MLYCD: variants seen among roughly 807,000 people sequenced by gnomAD.
The protein encoded by MLYCD is malonyl-CoA decarboxylase.
Under a neutral mutation model 35.8 loss-of-function variants are expected in MLYCD, and 27 were observed. The observed-to-expected ratio is 0.75, with a 90% CI of 0.56 to 1.04. The LOEUF (loss-of-function observed/expected upper bound fraction) is 1.04. Among genes scored for constraint, MLYCD ranks in the 50% least tolerant of loss-of-function variants. The pLI, the probability that MLYCD is intolerant of heterozygous loss-of-function variation, is 0.00. For synonymous variants in MLYCD, 403 were observed against 302.4 expected (o/e 1.33, Z -3.45); for missense variants, 917 against 665.1 (o/e 1.38, Z -4.17).
rs534037213 is a variant in MLYCD, at chr16:83,915,993, C to A, written c.*504C>A. 7.8e-5 allele frequency: 79 copies of A among 1,010,694 alleles called. No homozygotes were observed. In the African/African-American group the frequency reaches 1.3e-3, roughly 16 times the overall value. The allele number at this position is 1,010,694 out of a possible 1,614,324, so 62.6% of individuals were successfully genotyped here. A position where few individuals can be genotyped will look rare whatever the true frequency, so the allele number is the denominator to read the frequency against. On this transcript the variant is annotated 3_prime_UTR_variant, in exon 5 of 5. Coordinates refer to ENST00000262430, the MANE Select transcript of MLYCD (RefSeq NM_012213.3). Reference sequence around the variant, plus strand: ...AGGGCTGTGCTACACTTCCCAGTTACATTCTGAAGCTCATAAATGTATGAG... The same window carrying A: ...AGGGCTGTGCTACACTTCCCAGTTAAATTCTGAAGCTCATAAATGTATGAG...
chr16:83,914,057 A>T (rs1907282736), intron 4 of MLYCD: 1 of 152,254 alleles, frequency 6.6e-6, no homozygotes, highest in Admixed American at 6.5e-5. Context: ...CCAGGAGTTT[A>T]TCTGAGCAGA....
In MLYCD at chr16:83,917,100, A is replaced by G. The variant is rs1225583109; in HGVS notation, c.*1611A>G. On this transcript the variant is annotated 3_prime_UTR_variant, in exon 5 of 5. Transcript: ENST00000262430. ...TGCGTGTGCACGAGCGTCTCTGTGG[A>G]TCAGTGCACGTCTGTGTGCGTGTGC... 2.0e-3 allele frequency: 18 copies of G among 9,056 alleles called. 1 individual carries two copies. Among genetic ancestry groups the G allele is most frequent in the East Asian group, 9.8e-3 (2 of 204 alleles). 0.6% of individuals were successfully genotyped at this position (9,056 alleles called of 1,614,324 possible).
chr16:83,900,582 AT>A (rs1156957811), intron 1 of MLYCD, among the ~76,000 whole-genome samples: 1,942 of 121,076 alleles, frequency 0.016, 15 homozygotes, highest in African/African-American at 0.039. Flanking sequence ...TGCCCGGCTA[AT>A]TTTTTTTTTT....
Position 83,899,571 on chromosome 16 carries a change from C to T in MLYCD, c.427C>T (p.His143Tyr). The T allele has an allele frequency of 1.3e-6, 2 of 1,593,458 alleles. No individual in the cohort carries two copies. The highest frequency in any genetic ancestry group is 1.7e-6 in the Non-Finnish European group (2 of 1,177,836). The change falls in exon 1 of 5, where the codon CAC becomes TAC. Residue 143 changes from histidine (H) to tyrosine (Y), a missense_variant. Physicochemically the swap from His to Tyr is moderately conservative, Grantham distance 83. Transcript: ENST00000262430. ...LVPRYRGLFH[H>Y]ISKLDGGVRF... ...GCCGCGCTATCGCGGCCTCTTCCAC[C>T]ACATCAGCAAGCTGGACGGCGGCGT...
rs569160913 is a variant in MLYCD, at chr16:83,925,785, A to G, written c.*10296A>G. The stretch of plus-strand genomic sequence containing the variant: ...CTCTCCCCTCCCTGCCTCCCAGGCA[A>G]TGCCCACTCTGCCTCCAAAGTTCAT... On this transcript the variant is annotated 3_prime_UTR_variant, in exon 5 of 5. Coordinates refer to ENST00000262430, the MANE Select transcript of MLYCD (RefSeq NM_012213.3). 1.3e-5 allele frequency: 2 copies of G among 152,714 alleles called. No homozygotes were observed. The highest frequency in any genetic ancestry group is 2.4e-5 in the African/African-American group (1 of 41,532). 9.5% of individuals were successfully genotyped at this position (152,714 alleles called of 1,614,324 possible). A position where few individuals can be genotyped will look rare whatever the true frequency, so the allele number is the denominator to read the frequency against.
chr16:83,914,953 CAGAG>C lies in MLYCD; in HGVS notation c.951_954del (p.Arg317SerfsTer25), dbSNP rs777414552. 6.2e-7 allele frequency: 1 copy of C among 1,614,132 alleles called. No individual in the cohort carries two copies. The highest frequency in any genetic ancestry group is 8.5e-7 in the Non-Finnish European group (1 of 1,180,056). On this transcript the variant is annotated splice_acceptor_variant and coding_sequence_variant, in exon 5 of 5. Coordinates refer to ENST00000262430, the MANE Select transcript of MLYCD (RefSeq NM_012213.3). LOFTEE classifies it high-confidence loss of function. Reference sequence around the variant, plus strand: ...TCCTTTCCACCCCAACCATGCTTTACAGAGAGAGTTTCCTCACCTTGGGGTGTTT... The same window carrying C: ...TCCTTTCCACCCCAACCATGCTTTACAGAGTTTCCTCACCTTGGGGTGTTT...
Position 83,916,266 on chromosome 16 carries a change from G to C in MLYCD, c.*777G>C. The C allele has an allele frequency of 1.1e-6, 1 of 917,406 alleles. No homozygotes were observed. Among genetic ancestry groups the C allele is most frequent in the Non-Finnish European group, 1.3e-6 (1 of 766,260 alleles). 56.8% of individuals were successfully genotyped at this position (917,406 alleles called of 1,614,324 possible). A position where few individuals can be genotyped will look rare whatever the true frequency, so the allele number is the denominator to read the frequency against. ...AGCCAGCCAGCCTACGGGGAGTTTG[G>C]GATGAAGGAGCCTGGGGTGTGTTGG... On this transcript the variant is annotated 3_prime_UTR_variant, in exon 5 of 5. Coordinates refer to ENST00000262430, the MANE Select transcript of MLYCD (RefSeq NM_012213.3).
chr16:83,914,052 A>G (rs539624051), intron 4 of MLYCD: 47 of 152,308 alleles, frequency 3.1e-4, no homozygotes, highest in African/African-American at 1.1e-3. Flanking sequence ...AAACACCAGG[A>G]GTTTATCTGA....
chr16:83,922,764 G>C lies in MLYCD; in HGVS notation c.*7275G>C, dbSNP rs534094095. On this transcript the variant is annotated 3_prime_UTR_variant, in exon 5 of 5. Transcript: ENST00000262430. ...ATCTGGACCTGGGCGCCACCATCCT[G>C]CTCACCTGAATGCGGGTTCTGGGAT... 6.6e-6 allele frequency: 1 copy of C among 152,308 alleles called. No homozygotes were observed. Among genetic ancestry groups the C allele is most frequent in the African/African-American group, 2.4e-5 (1 of 41,470 alleles). The allele number at this position is 152,308 out of a possible 1,614,324, so 9.4% of individuals were successfully genotyped here.
rs987025331 is a variant in MLYCD, at chr16:83,922,943, C to A, written c.*7454C>A. The A allele has an allele frequency of 1.3e-5, 2 of 152,398 alleles. No homozygotes were observed. Among genetic ancestry groups the A allele is most frequent in the East Asian group, 3.9e-4 (2 of 5,184 alleles). 9.4% of individuals were successfully genotyped at this position (152,398 alleles called of 1,614,324 possible). On this transcript the variant is annotated 3_prime_UTR_variant, in exon 5 of 5. Transcript: ENST00000262430. ...ACAGGGGCTTGAGGGGACCTCCTGA[C>A]CCCTGATGGCTGAGCACCCTTGTCA... is the stretch of plus-strand genomic sequence containing the variant.
At position 83,907,112 on chromosome 16, in the gene MLYCD, GT is replaced by G; in HGVS notation, c.641+17del. The stretch of plus-strand genomic sequence containing the variant: ...AGAAAATCAGTGAGTAAGTATTACG[GT>G]TTTCATTTTCTTTGTACATACATTT... On this transcript the variant is annotated intron_variant, in intron 2 of 4. Transcript: ENST00000262430. The G allele has an allele frequency of 6.3e-7, 1 of 1,593,358 alleles. No individual in the cohort carries two copies. Among genetic ancestry groups the G allele is most frequent in the Non-Finnish European group, 8.6e-7 (1 of 1,161,084 alleles).
chr16:83,906,794 AAAG>A (rs1175470450), intron 1 of MLYCD, among the ~76,000 whole-genome samples, 190 bp from the exon 2 acceptor site: 1 of 134,084 alleles, frequency 7.5e-6, no homozygotes, highest in African/African-American at 3.6e-5. Context: ...GCGTTGAACG[AAAG>A]AAAGCCTGAC....
In MLYCD at chr16:83,916,308, A is replaced by AG. The variant is rs1907384907; in HGVS notation, c.*821dup. On this transcript the variant is annotated 3_prime_UTR_variant, in exon 5 of 5. Coordinates refer to ENST00000262430, the MANE Select transcript of MLYCD (RefSeq NM_012213.3). ...GTGTGTTGGATGAGAACAAAGGTGA[A>AG]GGAAGGGGCAGTCATTGTGCTTGTG... 1 of 505,366 alleles carries AG rather than the reference A, an allele frequency of 2.0e-6. No individual in the cohort carries two copies. Among genetic ancestry groups the AG allele is most frequent in the South Asian group, 8.6e-5 (1 of 11,638 alleles). The allele number at this position is 505,366 out of a possible 1,614,324, so 31.3% of individuals were successfully genotyped here. A position where few individuals can be genotyped will look rare whatever the true frequency, so the allele number is the denominator to read the frequency against.
intron 1 of MLYCD, among the ~76,000 whole-genome samples, chr16:83,900,751 A>G (rs1906757263): frequency 6.6e-6 from 1 of 152,278 alleles, no homozygotes; most frequent in East Asian, 1.9e-4. Flanking sequence ...CACTTGAATG[A>G]TTATGACTTG....
rs538679815 is a variant in MLYCD at position 83,919,252 on chromosome 16, C to T, written c.*3763C>T. 7.0e-5 allele frequency: 10 copies of T among 142,542 alleles called. No individual in the cohort carries two copies. Among genetic ancestry groups the T allele is most frequent in the African/African-American group, 2.7e-4 (10 of 36,532 alleles). The allele number at this position is 142,542 out of a possible 1,614,324, so 8.8% of individuals were successfully genotyped here. A position where few individuals can be genotyped will look rare whatever the true frequency, so the allele number is the denominator to read the frequency against. On this transcript the variant is annotated 3_prime_UTR_variant, in exon 5 of 5. Coordinates refer to ENST00000262430, the MANE Select transcript of MLYCD (RefSeq NM_012213.3). ...CACACACACACACTGCACAGGAGAC[C>T]ATGCACAGTGCACAGGAGAATACAC...
rs567089997 is a variant in MLYCD, at chr16:83,899,640, G to A, written c.496G>A (p.Ala166Thr). ...QLRADLLEAQ[A>T]LKLVEGPDVR... ...GCGGGCCGACCTGCTGGAGGCGCAGGCCCTCAAGCTGGTGGAGGGGCCGGA... is the reference window on the plus strand; with the variant it reads ...GCGGGCCGACCTGCTGGAGGCGCAGACCCTCAAGCTGGTGGAGGGGCCGGA... The change falls in exon 1 of 5, where the codon GCC (alanine) becomes ACC (threonine). Residue 166 changes from alanine (A) to threonine (T), a missense_variant. Coordinates refer to ENST00000262430, the MANE Select transcript of MLYCD (RefSeq NM_012213.3). The A allele has an allele frequency of 5.2e-6, 8 of 1,552,612 alleles. No homozygotes were observed. Among genetic ancestry groups the A allele is most frequent in the South Asian group, 1.2e-5 (1 of 85,906 alleles).
chr16:83,922,719 G>C lies in MLYCD; in HGVS notation c.*7230G>C, dbSNP rs1907693576. On this transcript the variant is annotated 3_prime_UTR_variant, in exon 5 of 5. Coordinates refer to ENST00000262430, the MANE Select transcript of MLYCD (RefSeq NM_012213.3). ...TGCCCTGGGAAGCAGAGCAGTCCCT[G>C]TCATGATGGGCGTTTCTACATCTGG... 6.6e-6 allele frequency: 1 copy of C among 152,300 alleles called. No individual in the cohort carries two copies. Among genetic ancestry groups the C allele is most frequent in the Non-Finnish European group, 1.5e-5 (1 of 68,082 alleles). 9.4% of individuals were successfully genotyped at this position (152,300 alleles called of 1,614,324 possible).
intron 3 of MLYCD, among the ~76,000 whole-genome samples, chr16:83,909,788 A>C (rs931342142): frequency 6.7e-6 from 1 of 149,410 alleles, no homozygotes; most frequent in African/African-American, 2.5e-5. Context: ...ATGCCCAGCT[A>C]ATTTTTTTTT....
rs867902129 is a variant in MLYCD at position 83,915,967 on chromosome 16, A to G, written c.*478A>G. 7 of 1,046,776 alleles carry G rather than the reference A, an allele frequency of 6.7e-6. No individual in the cohort carries two copies. The highest frequency in any genetic ancestry group is 9.8e-5 in the Admixed American group (2 of 20,480). 64.8% of individuals were successfully genotyped at this position (1,046,776 alleles called of 1,614,324 possible). On this transcript the variant is annotated 3_prime_UTR_variant, in exon 5 of 5. Transcript: ENST00000262430. The stretch of plus-strand genomic sequence containing the variant: ...TCTCACCATGCAATGCAGAGGGACA[A>G]AGGGCTGTGCTACACTTCCCAGTTA...
Sources: gnomAD v4.1 joint callset for allele counts (sites outside exome capture counted in the v4.1 genomes callset) on GRCh38, gnomAD v4.1.1 for gene constraint, MANE v1.5 for transcripts, NCBI Gene and HGNC (gene_info 2026-07-23, HGNC 2026-07-21) for gene names.